RAD51B: variants seen among roughly 807,000 people sequenced by gnomAD.
RAD51B encodes RAD51 paralog B.
Under a neutral mutation model 42.2 loss-of-function variants are expected in RAD51B, and 38 were observed. That is an observed-to-expected ratio of 0.90 (90% CI 0.70 to 1.18). RAD51B has a LOEUF of 1.18. Ranked by LOEUF, RAD51B falls within the 50% of genes most tolerant of loss-of-function variation. The probability of loss-of-function intolerance (pLI) is 0.00; values close to 1 mark genes in which losing one functional copy is unlikely to be tolerated. For missense variants in RAD51B, 373 were observed against 400.7 expected (o/e 0.93, Z 0.59); for synonymous variants, 154 against 145.2 (o/e 1.06, Z -0.43).
chr14:68,629,304 G>C (rs1892170987), intron 10 of RAD51B, among the ~76,000 whole-genome samples: 2 of 152,226 alleles, frequency 1.3e-5, no homozygotes, highest in South Asian at 4.1e-4. Context: ...TTTACCTGCT[G>C]CTGCAGAGGA....
intron 10 of RAD51B, among the ~76,000 whole-genome samples, chr14:68,477,240 C>G (rs1038114009): frequency 6.6e-6 from 1 of 152,238 alleles, no homozygotes; most frequent in African/African-American, 2.4e-5. Flanking sequence ...TTGTTAAGGA[C>G]TGTGGTGTGC....
At chr14:68,016,300 AG>A (rs1482390636) in intron 7 of RAD51B, among the ~76,000 whole-genome samples, 1 of 152,128 alleles carries the variant, frequency 6.6e-6, no homozygotes, top group Non-Finnish European at 1.5e-5. Context: ...GGGGGTAAAA[AG>A]CCCCCAGTTT....
chr14:68,208,653 A>G (rs748547517), intron 7 of RAD51B, among the ~76,000 whole-genome samples: 28 of 152,196 alleles, frequency 1.8e-4, no homozygotes, highest in Admixed American at 9.2e-4. Flanking sequence ...CTTGCTTTCC[A>G]CAGGAAAACA....
At chr14:68,195,094 G>A (rs973879660) in intron 7 of RAD51B, among the ~76,000 whole-genome samples, 2 of 152,144 alleles carry the variant, frequency 1.3e-5, no homozygotes, top group African/African-American at 4.8e-5. Context: ...AAAACCTTGT[G>A]AGGGGAAACC....
At chr14:67,938,363 G>A (rs2140173668) in intron 7 of RAD51B, among the ~76,000 whole-genome samples, 1 of 152,336 alleles carries the variant, frequency 6.6e-6, no homozygotes, top group Middle Eastern at 3.4e-3. Flanking sequence ...GATGAGTCAG[G>A]AAAGTTTTCT....
chr14:68,672,616 G>A (rs574081383), intron 11 of RAD51B, among the ~76,000 whole-genome samples: 62 of 152,258 alleles, frequency 4.1e-4, no homozygotes, highest in South Asian at 8.3e-4. Context: ...CTAAAACTTG[G>A]CTAGTTATAT....
At chr14:67,891,150 T>G (rs2043207135) in intron 7 of RAD51B, among the ~76,000 whole-genome samples, 1 of 152,132 alleles carries the variant, frequency 6.6e-6, no homozygotes, top group Admixed American at 6.6e-5. Flanking sequence ...CTTCCTTCAT[T>G]TCTTGATATT....
At chr14:68,252,121 C>T (rs1319215683) in intron 7 of RAD51B, among the ~76,000 whole-genome samples, 3 of 152,226 alleles carry the variant, frequency 2.0e-5, no homozygotes, top group Non-Finnish European at 4.4e-5. Flanking sequence ...TTTAATCCTA[C>T]AGCCTGCAGG....
intron 7 of RAD51B, among the ~76,000 whole-genome samples, chr14:67,894,088 A>G (rs1044102993): frequency 1.3e-5 from 2 of 152,198 alleles, no homozygotes; most frequent in African/African-American, 4.8e-5. Flanking sequence ...TTTCGTTTCC[A>G]TGTTTGAAAA....
chr14:68,212,855 C>A (rs1190160837), intron 7 of RAD51B, among the ~76,000 whole-genome samples: 2 of 152,118 alleles, frequency 1.3e-5, no homozygotes, highest in East Asian at 3.8e-4. Context: ...TTTCACAGTT[C>A]ATCTTATTGG....
chr14:68,317,981 G>C (rs1014467959), intron 8 of RAD51B, among the ~76,000 whole-genome samples: 1 of 152,192 alleles, frequency 6.6e-6, no homozygotes, highest in African/African-American at 2.4e-5. Context: ...TGCTTTGCCT[G>C]TATCAAGGAA....
At chr14:68,131,902 A>G (rs1360720539) in intron 7 of RAD51B, among the ~76,000 whole-genome samples, 1 of 152,164 alleles carries the variant, frequency 6.6e-6, no homozygotes, top group Non-Finnish European at 1.5e-5. Flanking sequence ...AAAAGAGAAA[A>G]CTTTGGGGAT....
chr14:68,196,148 G>A (rs1206302453), intron 7 of RAD51B, among the ~76,000 whole-genome samples: 4 of 145,344 alleles, frequency 2.8e-5, no homozygotes, highest in East Asian at 4.0e-4. Flanking sequence ...CAGAGATTGC[G>A]CCACTGCACT....
chr14:68,524,507 A>G (rs1471494049), intron 10 of RAD51B, among the ~76,000 whole-genome samples: 1 of 152,194 alleles, frequency 6.6e-6, no homozygotes, highest in Admixed American at 6.5e-5. Context: ...GGAAACACAC[A>G]GGCTAAACAC....
chr14:67,958,425 G>T (rs1452116160), intron 7 of RAD51B, among the ~76,000 whole-genome samples: 1 of 152,062 alleles, frequency 6.6e-6, no homozygotes, highest in Non-Finnish European at 1.5e-5. Flanking sequence ...CCACAAAGAG[G>T]CACTCTCTTG....
At chr14:68,393,072 C>G (rs1000010636) in intron 8 of RAD51B, among the ~76,000 whole-genome samples, 1 of 152,214 alleles carries the variant, frequency 6.6e-6, no homozygotes, top group African/African-American at 2.4e-5. Flanking sequence ...ACCTATCAGG[C>G]TCACTTGAGT....
intron 5 of RAD51B, among the ~76,000 whole-genome samples, chr14:67,883,040 C>T (rs1171174102): frequency 6.6e-6 from 1 of 152,134 alleles, no homozygotes; most frequent in African/African-American, 2.4e-5. Context: ...CCACCGTGCC[C>T]GGCCAAGAAA....
intron 8 of RAD51B, among the ~76,000 whole-genome samples, chr14:68,340,724 T>A (rs1348201925): frequency 6.6e-6 from 1 of 152,274 alleles, no homozygotes; most frequent in Non-Finnish European, 1.5e-5. Flanking sequence ...TGATTTTCAG[T>A]AAACACTCAG....
At chr14:68,670,747 T>C (rs1158458431) in intron 11 of RAD51B, among the ~76,000 whole-genome samples, 4 of 152,166 alleles carry the variant, frequency 2.6e-5, no homozygotes, top group Non-Finnish European at 5.9e-5. Flanking sequence ...AAAACTTAAG[T>C]TTGCCAGCAA....
Sources: gnomAD v4.1 joint callset for allele counts (sites outside exome capture counted in the v4.1 genomes callset) on GRCh38, gnomAD v4.1.1 for gene constraint, MANE v1.5 for transcripts, NCBI Gene and HGNC (gene_info 2026-07-23, HGNC 2026-07-21) for gene names.